The following CFHR5 variants were observed in gnomAD, a reference collection of about 807,000 sequenced individuals.
CFHR5 encodes the protein complement factor H-related protein 5.
CFHR5 carries 73 observed loss-of-function variants against 62.9 expected under a neutral mutation model. That is an observed-to-expected ratio of 1.16 (90% CI 0.96 to 1.41). The LOEUF (loss-of-function observed/expected upper bound fraction) is 1.41. CFHR5 is among the 40% of genes most tolerant of loss of function. The probability of loss-of-function intolerance (pLI) is 0.00; values close to 1 mark genes in which losing one functional copy is unlikely to be tolerated. For missense variants in CFHR5, 779 were observed against 679.9 expected (o/e 1.15, Z -1.62); for synonymous variants, 249 against 227.2 (o/e 1.10, Z -0.86).
chr1:197,000,803 T>A (rs996444093), intron 7 of CFHR5, among the ~76,000 whole-genome samples: 2 of 152,132 alleles, frequency 1.3e-5, no homozygotes, highest in Admixed American at 1.3e-4. Flanking sequence ...AAACAGAAAT[T>A]CATAAACAAC....
At chr1:196,997,323 C>T (rs1457038234) in intron 6 of CFHR5, among the ~76,000 whole-genome samples, 1 of 152,142 alleles carries the variant, frequency 6.6e-6, no homozygotes, top group Non-Finnish European at 1.5e-5. Flanking sequence ...TCTTCATGGT[C>T]ATCAACTTTT....
Position 196,983,957 on chromosome 1 carries a change from T to C in CFHR5, c.254-4T>C, listed in dbSNP as rs1447434069. The C allele has an allele frequency of 6.2e-7, 1 of 1,604,778 alleles. No individual in the cohort carries two copies. The highest frequency in any genetic ancestry group is 8.5e-7 in the Non-Finnish European group (1 of 1,173,534). On this transcript the variant is annotated splice_region_variant and splice_polypyrimidine_tract_variant and intron_variant, in intron 2 of 9. Transcript: ENST00000256785. Reference sequence around the variant, plus strand: ...TTGTACATTAATCAATTTTTGTTCCTTAGGAATGTGTTCCTTTCCTTTTGT... The same window carrying C: ...TTGTACATTAATCAATTTTTGTTCCCTAGGAATGTGTTCCTTTCCTTTTGT...
intron 4 of CFHR5, among the ~76,000 whole-genome samples, chr1:196,994,655 C>T (rs1653941308): frequency 6.6e-6 from 1 of 152,136 alleles, no homozygotes; most frequent in Non-Finnish European, 1.5e-5. Context: ...ATGATTTATA[C>T]CTGCTTCAGA....
intron 8 of CFHR5, among the ~76,000 whole-genome samples, chr1:197,002,925 G>A (rs1252959693): frequency 6.6e-6 from 1 of 152,082 alleles, no homozygotes; most frequent in African/African-American, 2.4e-5. Flanking sequence ...CCTTTTCTAT[G>A]TTTAAATATG....
At chr1:196,993,616 C>A (rs994061833) in intron 3 of CFHR5, among the ~76,000 whole-genome samples, 1 of 152,032 alleles carries the variant, frequency 6.6e-6, no homozygotes, top group African/African-American at 2.4e-5. Flanking sequence ...ACTTTTTATA[C>A]ATCATTTTTT....
Position 196,995,836 on chromosome 1 carries a change from A to G in CFHR5, c.727A>G (p.Ile243Val). ...ATATGATTGCAATCCTAATTTTATA[A>G]TAAACGGGCCTAAGAAAATACAATG... ...VEYDCNPNFI[I>V]NGPKKIQCVD... Residue 243 changes from isoleucine (I) to valine (V), a missense_variant, in exon 5 of 10, where the codon ATA becomes GTA. Coordinates refer to ENST00000256785, the MANE Select transcript of CFHR5 (RefSeq NM_030787.4). 6.2e-7 allele frequency: 1 copy of G among 1,613,422 alleles called. No homozygotes were observed.
chr1:197,004,413 C>G (rs954754972), intron 8 of CFHR5, among the ~76,000 whole-genome samples: 1 of 152,062 alleles, frequency 6.6e-6, no homozygotes, highest in African/African-American at 2.4e-5. Flanking sequence ...GAGGAGGAAC[C>G]TAGACCAGAA....
Position 197,002,500 on chromosome 1 carries a change from G to T in CFHR5, c.1166G>T (p.Cys389Phe), listed in dbSNP as rs138239067. 42 of 1,612,838 alleles carry T rather than the reference G, an allele frequency of 2.6e-5. No individual in the cohort carries two copies. Among genetic ancestry groups the T allele is most frequent in the Non-Finnish European group, 3.6e-5 (42 of 1,179,450 alleles). Residue 389 changes from cysteine to phenylalanine, a missense_variant, in exon 8 of 10, where the codon TGC (cysteine) becomes TTC (phenylalanine). Cys to Phe is a radical substitution (Grantham distance 205). Transcript: ENST00000256785. ...VDCTEKREQF[C>F]PPPPQIPNAQ... is the part of the protein sequence containing the mutation. ...TTTGTAGAAAAAAGGGAACAATTCT[G>T]CCCACCGCCACCTCAGATACCTAAT...
intron 8 of CFHR5, 54 bp from the exon 9 acceptor site, chr1:197,004,607 T>C: frequency 7.5e-7 from 1 of 1,336,978 alleles, no homozygotes; most frequent in South Asian, 1.2e-5. Context: ...TGCTTCATTA[T>C]ATTATTTTGT....
chr1:196,980,653 G>A (rs1381862536), intron 1 of CFHR5, among the ~76,000 whole-genome samples: 1 of 151,306 alleles, frequency 6.6e-6, no homozygotes, highest in Non-Finnish European at 1.5e-5. Context: ...TATATTCACA[G>A]TATTCTATCA....
At chr1:196,978,478 G>A (rs1653453992) in intron 1 of CFHR5, among the ~76,000 whole-genome samples, 1 of 152,030 alleles carries the variant, frequency 6.6e-6, no homozygotes, top group Non-Finnish European at 1.5e-5. Context: ...CAATCATTGT[G>A]CTATATACTC....
intron 7 of CFHR5, among the ~76,000 whole-genome samples, 159 bp downstream of exon 7, chr1:196,998,463 G>A (rs1654050935): frequency 1.3e-5 from 2 of 152,060 alleles, no homozygotes; most frequent in South Asian, 4.2e-4. Flanking sequence ...CCAGACAAAT[G>A]TTATTCTTTA....
chr1:196,997,524 T>G (rs979944158), intron 6 of CFHR5, among the ~76,000 whole-genome samples: 3 of 152,102 alleles, frequency 2.0e-5, no homozygotes, highest in Admixed American at 2.0e-4. Context: ...GAAAAAAATG[T>G]AACAATGAGA....
chr1:196,998,479 C>G (rs929525692), intron 7 of CFHR5, among the ~76,000 whole-genome samples, 175 bp downstream of exon 7: 2 of 151,756 alleles, frequency 1.3e-5, no homozygotes, highest in Non-Finnish European at 2.9e-5. Context: ...CTTTAAAAGC[C>G]TTGGCTTTCT....
chr1:196,986,123 G>T (rs1558283440), intron 3 of CFHR5, among the ~76,000 whole-genome samples: 3 of 152,108 alleles, frequency 2.0e-5, no homozygotes, highest in Non-Finnish European at 4.4e-5. Flanking sequence ...TGTGCCTAAG[G>T]TTGAATGGTA....
At chr1:197,007,155 A>T (rs1197896195) in intron 9 of CFHR5, among the ~76,000 whole-genome samples, 3 of 152,098 alleles carry the variant, frequency 2.0e-5, no homozygotes, top group Admixed American at 1.3e-4. Flanking sequence ...TTTTTAAATT[A>T]TCAGTTGACT....
chr1:196,996,987 G>A (rs149478774), intron 6 of CFHR5, among the ~76,000 whole-genome samples: 384 of 151,462 alleles, frequency 2.5e-3, no homozygotes, highest in African/African-American at 8.9e-3. Flanking sequence ...TTTTTTTCCC[G>A]ACACCCTCAG....
At chr1:197,004,086 G>T (rs1260850674) in intron 8 of CFHR5, among the ~76,000 whole-genome samples, 2 of 152,154 alleles carry the variant, frequency 1.3e-5, no homozygotes, top group East Asian at 3.9e-4. Context: ...AGATCAGTCA[G>T]TACAATTGAA....
intron 6 of CFHR5, among the ~76,000 whole-genome samples, chr1:196,997,308 A>G (rs1474037809): frequency 2.0e-5 from 3 of 152,186 alleles, no homozygotes; most frequent in African/African-American, 4.8e-5. Context: ...GATGTAGATC[A>G]TATATCTTCA....
Sources: allele counts gnomAD v4.1 joint callset (sites outside exome capture counted in the v4.1 genomes callset), GRCh38; gene constraint gnomAD v4.1.1; transcripts MANE v1.5; gene names NCBI Gene and HGNC (gene_info 2026-07-23, HGNC 2026-07-21).